GALNTL6: variants seen among roughly 807,000 people sequenced by gnomAD.
GALNTL6 encodes the protein polypeptide N-acetylgalactosaminyltransferase-like 6.
GALNTL6 carries 46 observed loss-of-function variants against 73.7 expected under a neutral mutation model. That is an observed-to-expected ratio of 0.62 (90% confidence interval 0.49 to 0.80). GALNTL6 has a LOEUF of 0.80. Among genes scored for constraint, GALNTL6 ranks in the 30% least tolerant of loss-of-function variants. GALNTL6 has a pLI of 0.00. For synonymous variants in GALNTL6, 259 were observed against 263.7 expected, an observed-to-expected ratio of 0.98 and a Z score of 0.17; for missense variants, 604 against 755.0, an observed-to-expected ratio of 0.80 and a Z score of 2.34.
At chr4:172,449,801 CTT>C (rs1732146540) in intron 5 of GALNTL6, among the ~76,000 whole-genome samples, 1 of 152,200 alleles carries the variant, frequency 6.6e-6, no homozygotes, top group Non-Finnish European at 1.5e-5. Context: ...GAACTAATGT[CTT>C]TCACCCAGAA....
At chr4:172,170,654 C>T (rs1045079415) in intron 2 of GALNTL6, among the ~76,000 whole-genome samples, 3 of 151,762 alleles carry the variant, frequency 2.0e-5, no homozygotes, top group Admixed American at 6.6e-5. Context: ...CTGGGACTAC[C>T]GGCATTCCAC....
chr4:172,582,908 T>C (rs1737249327), intron 5 of GALNTL6, among the ~76,000 whole-genome samples: 1 of 152,226 alleles, frequency 6.6e-6, no homozygotes, highest in Non-Finnish European at 1.5e-5. Flanking sequence ...TTCAAATATC[T>C]ATGTTTGATA....
At chr4:172,095,022 C>G (rs763369787) in intron 2 of GALNTL6, among the ~76,000 whole-genome samples, 1 of 146,536 alleles carries the variant, frequency 6.8e-6, no homozygotes, top group Non-Finnish European at 1.5e-5. Flanking sequence ...AAAAAAAAAT[C>G]ACATGGGAAG....
rs373429044 is a variant in GALNTL6 at position 172,918,340 on chromosome 4, A to G, written c.1042-12821A>G. Among the ~76,000 whole-genome samples, 9 of 152,164 alleles carry G rather than the reference A, an allele frequency of 5.9e-5. No individual in the cohort carries two copies. In the East Asian group the frequency reaches 1.2e-3, roughly 20 times the overall value. ...AACACGGCACATGTATACATATGTA[A>G]CAAACTTCCACATTGTGCACATGTA... On this transcript the variant is annotated intron_variant, in intron 8 of 12. Coordinates refer to ENST00000506823, the MANE Select transcript of GALNTL6 (RefSeq NM_001034845.3).
chr4:171,986,509 G>C (rs1395239816), intron 2 of GALNTL6, among the ~76,000 whole-genome samples: 1 of 152,048 alleles, frequency 6.6e-6, no homozygotes, highest in Non-Finnish European at 1.5e-5. Context: ...ATGAAATAGT[G>C]GTAAAGTGTT....
At chr4:172,571,027 G>A (rs1419363621) in intron 5 of GALNTL6, among the ~76,000 whole-genome samples, 3 of 152,178 alleles carry the variant, frequency 2.0e-5, no homozygotes, top group African/African-American at 7.2e-5. Context: ...ATGGGAAGCA[G>A]CTGTAAATAC....
intron 5 of GALNTL6, among the ~76,000 whole-genome samples, chr4:172,671,182 T>A (rs1243181349): frequency 1.3e-5 from 2 of 152,222 alleles, no homozygotes; most frequent in African/African-American, 4.8e-5. Context: ...TCTAGTTCTG[T>A]GAAAAATGTC....
intron 2 of GALNTL6, among the ~76,000 whole-genome samples, chr4:172,051,412 G>A (rs1191999668): frequency 6.6e-6 from 1 of 152,128 alleles, no homozygotes; most frequent in African/African-American, 2.4e-5. Context: ...GGTCACACAT[G>A]GACTTGAAGG....
At chr4:172,439,675 A>G (rs12507931) in intron 5 of GALNTL6, among the ~76,000 whole-genome samples, 2,781 of 151,832 alleles carry the variant, frequency 0.018, 207 homozygotes, top group Admixed American at 0.14. Context: ...TGTTTTTTCA[A>G]TTATCTACAC....
chr4:172,372,809 G>A (rs963656483), intron 5 of GALNTL6, among the ~76,000 whole-genome samples: 3 of 152,106 alleles, frequency 2.0e-5, no homozygotes, highest in Non-Finnish European at 4.4e-5. Context: ...CTGTATCCGG[G>A]GATCCATAGT....
At chr4:172,297,858 T>C (rs4634185) in intron 3 of GALNTL6, among the ~76,000 whole-genome samples, 146,095 of 151,678 alleles carry the variant, frequency 0.96, 70,595 homozygotes, top group East Asian at 1. Context: ...TCCATATGAA[T>C]TTTAAAGTAG....
chr4:172,264,555 A>AATATATATAT (rs201920170), intron 3 of GALNTL6, among the ~76,000 whole-genome samples: 2,265 of 103,138 alleles, frequency 0.022, 33 homozygotes, highest in Non-Finnish European at 0.03. Context: ...ATATATGCCA[A>AATATATATAT]ATATATATAT....
intron 12 of GALNTL6, among the ~76,000 whole-genome samples, chr4:173,023,418 G>A (rs953326322): frequency 2.0e-5 from 3 of 152,168 alleles, no homozygotes; most frequent in Non-Finnish European, 4.4e-5. Context: ...AACACTTTGG[G>A]AGGAGAGGCG....
chr4:171,996,537 C>T (rs577408848), intron 2 of GALNTL6, among the ~76,000 whole-genome samples: 5 of 151,946 alleles, frequency 3.3e-5, no homozygotes, highest in South Asian at 2.1e-4. Flanking sequence ...CAAGACTGTG[C>T]GTTTGTCACA....
chr4:172,357,648 C>T (rs993062844), intron 5 of GALNTL6, among the ~76,000 whole-genome samples: 7 of 33,908 alleles, frequency 2.1e-4, no homozygotes, highest in Admixed American at 1.5e-3. Flanking sequence ...CACACACACA[C>T]ACACACACAC....
chr4:172,663,992 C>CA (rs1392475764), intron 5 of GALNTL6, among the ~76,000 whole-genome samples: 2 of 151,108 alleles, frequency 1.3e-5, no homozygotes, highest in Admixed American at 6.6e-5. Flanking sequence ...CACACATCCA[C>CA]ACCCAATATG....
At chr4:172,759,101 A>G (rs1383758026) in intron 5 of GALNTL6, among the ~76,000 whole-genome samples, 2 of 152,118 alleles carry the variant, frequency 1.3e-5, no homozygotes, top group African/African-American at 2.4e-5. Context: ...TGCTTCCTCT[A>G]TTTACTTTCT....
At chr4:172,067,905 C>T (rs1178188722) in intron 2 of GALNTL6, among the ~76,000 whole-genome samples, 1 of 110,414 alleles carries the variant, frequency 9.1e-6, no homozygotes, top group Non-Finnish European at 2.0e-5. Context: ...GGCTCAGTCA[C>T]CAGTCATGCT....
rs1041655403 is a variant in GALNTL6 at position 171,813,724 on chromosome 4, A to T, written c.-436A>T. ...GATGGGCAGAGCGCTCACTTCTCAGAGGATCGCATTCCGAGGACCGCGCGA... is the reference window on the plus strand; with the variant it reads ...GATGGGCAGAGCGCTCACTTCTCAGTGGATCGCATTCCGAGGACCGCGCGA... On this transcript the variant is annotated 5_prime_UTR_variant, in exon 1 of 13. Coordinates refer to ENST00000506823, the MANE Select transcript of GALNTL6 (RefSeq NM_001034845.3). The surrounding 1 kb of genome is among the most constrained non-coding windows in gnomAD (Gnocchi z 5.2). 1.3e-5 allele frequency: 2 copies of T among 152,320 alleles called. No homozygotes were observed. Among genetic ancestry groups the T allele is most frequent in the Non-Finnish European group, 2.9e-5 (2 of 68,142 alleles). 9.4% of individuals were successfully genotyped at this position (152,320 alleles called of 1,614,324 possible). A position where few individuals can be genotyped will look rare whatever the true frequency, so the allele number is the denominator to read the frequency against.
Sources: allele counts gnomAD v4.1 joint callset (sites outside exome capture counted in the v4.1 genomes callset), GRCh38; gene constraint gnomAD v4.1.1; non-coding constraint Gnocchi (gnomAD v3.1); transcripts MANE v1.5; gene names NCBI Gene and HGNC (gene_info 2026-07-23, HGNC 2026-07-21).